DPP6: variants seen among roughly 807,000 people sequenced by gnomAD.
DPP6 encodes A-type potassium channel modulatory protein DPP6.
In DPP6, 69 loss-of-function variants were observed where a neutral mutation model predicts 122.6. The ratio of observed to expected loss-of-function variants is 0.56; its 90% CI spans 0.46 to 0.69. DPP6 has a LOEUF of 0.69. Ranked by LOEUF, DPP6 falls within the 30% of genes least tolerant of loss-of-function variation. The pLI, the probability that DPP6 is intolerant of heterozygous loss-of-function variation, is 0.00. For missense variants in DPP6, 928 were observed against 1,116.9 expected (o/e 0.83, Z 2.41); for synonymous variants, 418 against 433.1 (o/e 0.97, Z 0.43).
At chr7:154,541,310 T>A (rs1345382986) in intron 4 of DPP6, among the ~76,000 whole-genome samples, 1 of 152,034 alleles carries the variant, frequency 6.6e-6, no homozygotes, top group Admixed American at 6.5e-5. Flanking sequence ...GTTTTTGTTT[T>A]TGTTTGTAGA....
intron 3 of DPP6, among the ~76,000 whole-genome samples, chr7:154,527,906 T>C (rs573092599): frequency 7.2e-5 from 11 of 152,234 alleles, no homozygotes; most frequent in African/African-American, 2.6e-4. Flanking sequence ...TCAGCTGATC[T>C]ATGATACTAT....
intron 5 of DPP6, among the ~76,000 whole-genome samples, chr7:154,591,650 A>G (rs950228429): frequency 1.2e-4 from 19 of 152,156 alleles, no homozygotes; most frequent in African/African-American, 4.6e-4. Context: ...GAAACTATCA[A>G]GATTAAGAGC....
At chr7:154,307,376 G>A (rs371420693) in intron 1 of DPP6, among the ~76,000 whole-genome samples, 19 of 152,328 alleles carry the variant, frequency 1.2e-4, no homozygotes, top group African/African-American at 4.3e-4. Context: ...GCTACAGCGA[G>A]CAGGTGGGAC....
At chr7:154,794,295 C>T (rs1014230923) in intron 11 of DPP6, 93 bp downstream of exon 11, 11 of 1,424,076 alleles carry the variant, frequency 7.7e-6, no homozygotes, top group Non-Finnish European at 1.0e-5. Flanking sequence ...AGCCCTCGGG[C>T]CTGGGACTTG....
chr7:154,732,623 G>A (rs1344390074), intron 8 of DPP6, among the ~76,000 whole-genome samples: 2 of 152,148 alleles, frequency 1.3e-5, no homozygotes, highest in African/African-American at 4.8e-5. Context: ...AGCTCAGCCT[G>A]GAGTCATCAG....
At chr7:153,848,602 C>T in the DPP6 span, among the ~76,000 whole-genome samples, 1 of 152,150 alleles carries the variant, frequency 6.6e-6, no homozygotes, top group Non-Finnish European at 1.5e-5. Flanking sequence ...ATACTTTTAG[C>T]AATTCTCTAC....
At chr7:154,557,312 C>A (rs1049980648) in intron 4 of DPP6, among the ~76,000 whole-genome samples, 4 of 152,124 alleles carry the variant, frequency 2.6e-5, no homozygotes, top group African/African-American at 9.7e-5. Context: ...TCACTGTCTC[C>A]GGCAGCATCG....
At chr7:154,080,265 C>T (rs562864095) in intron 1 of DPP6, among the ~76,000 whole-genome samples, 408 of 152,168 alleles carry the variant, frequency 2.7e-3, no homozygotes, top group African/African-American at 9.3e-3. Context: ...GAAGATTGGC[C>T]GTTGACTCTA....
Position 154,210,836 on chromosome 7 carries a change from G to GGA in DPP6, c.243+157773_243+157774insGA, listed in dbSNP as rs748794590. Among the ~76,000 whole-genome samples, 3 of 149,996 alleles carry GGA rather than the reference G, an allele frequency of 2.0e-5. No individual in the cohort carries two copies. The East Asian group carries it at 5.9e-4, about 29-fold the overall frequency. On this transcript the variant is annotated intron_variant, in intron 1 of 25. Coordinates refer to ENST00000377770, the MANE Select transcript of DPP6 (RefSeq NM_130797.4). ...ATTATAGTGGTAATTGTGCAAAAAG[G>GGA]AAAAAAAAAGACAAAAGAAAAAGGC...
intron 10 of DPP6, among the ~76,000 whole-genome samples, chr7:154,790,412 C>T (rs1051755403): frequency 5.3e-5 from 8 of 152,148 alleles, no homozygotes; most frequent in African/African-American, 1.9e-4. Flanking sequence ...GTGAGAATCA[C>T]GGCTTCCTTA....
intron 1 of DPP6, among the ~76,000 whole-genome samples, chr7:154,111,198 A>G (rs1384231203): frequency 2.0e-5 from 3 of 152,166 alleles, no homozygotes; most frequent in Non-Finnish European, 4.4e-5. Context: ...TCCATCATTG[A>G]TGGCACTGTG....
At chr7:154,029,520 C>T (rs1338273865) in intron 1 of DPP6, among the ~76,000 whole-genome samples, 1 of 139,818 alleles carries the variant, frequency 7.2e-6, no homozygotes, top group Non-Finnish European at 1.6e-5. Flanking sequence ...CCATCTCAAA[C>T]AAAAAAAGAA....
chr7:153,848,912 C>T, the DPP6 span, among the ~76,000 whole-genome samples: 8 of 152,034 alleles, frequency 5.3e-5, no homozygotes, highest in Non-Finnish European at 1.2e-4. Flanking sequence ...TCTTTAAATA[C>T]ATTAAACAGC....
At chr7:154,478,276 G>A (rs903249182) in intron 3 of DPP6, among the ~76,000 whole-genome samples, 1 of 152,140 alleles carries the variant, frequency 6.6e-6, no homozygotes, top group Admixed American at 6.5e-5. Context: ...AATTCATTCA[G>A]TAAGAGATTT....
intron 1 of DPP6, among the ~76,000 whole-genome samples, chr7:153,928,395 C>CTTTTTTTTTTTTTTTTTTTTTTTTTTT (rs1467865041): frequency 1.7e-4 from 5 of 29,990 alleles, no homozygotes; most frequent in African/African-American, 4.0e-4. Flanking sequence ...TCTTTTCTTT[C>CTTTTTTTTTTTTTTTTTTTTTTTTTTT]ATTTTTTTTT....
At chr7:154,784,627 G>A (rs144426521) in intron 10 of DPP6, among the ~76,000 whole-genome samples, 153 of 152,238 alleles carry the variant, frequency 1.0e-3, no homozygotes, top group African/African-American at 3.5e-3. Context: ...GAATATACGT[G>A]AGACCCTTAC....
chr7:154,341,443 A>ACT (rs1407118453), intron 1 of DPP6, among the ~76,000 whole-genome samples: 15 of 151,804 alleles, frequency 9.9e-5, no homozygotes, highest in Non-Finnish European at 1.9e-4. Flanking sequence ...CCTTTCTCAT[A>ACT]CTCTGTAGTC....
chr7:154,019,777 T>C (rs1798610198), intron 1 of DPP6, among the ~76,000 whole-genome samples: 1 of 152,230 alleles, frequency 6.6e-6, no homozygotes. Flanking sequence ...CAAAATTAGT[T>C]CTTCTGCACT....
the DPP6 span, among the ~76,000 whole-genome samples, chr7:153,861,234 TATTTATA>T: frequency 6.6e-6 from 1 of 152,198 alleles, no homozygotes; most frequent in Non-Finnish European, 1.5e-5. Context: ...ACCATAAACA[TATTTATA>T]ATTTATATGC....
Sources: allele counts gnomAD v4.1 joint callset (sites outside exome capture counted in the v4.1 genomes callset), GRCh38; gene constraint gnomAD v4.1.1; transcripts MANE v1.5; gene names NCBI Gene and HGNC (gene_info 2026-07-23, HGNC 2026-07-21).